Variants in STAB2 observed in about 807,000 individuals in gnomAD.
The protein encoded by STAB2 is stabilin-2.
In STAB2, 288 loss-of-function variants were observed where a neutral mutation model predicts 338.1. The observed-to-expected ratio is 0.85, with a 90% CI of 0.77 to 0.94. The LOEUF (loss-of-function observed/expected upper bound fraction) is 0.94, where lower values mean the gene tolerates loss of function less well. Ranked by LOEUF, STAB2 falls within the 40% of genes least tolerant of loss-of-function variation. STAB2 has a pLI of 0.00. For synonymous variants in STAB2, 1,202 were observed against 1,193.3 expected (o/e 1.01, Z -0.15); for missense variants, 3,141 against 3,210.1 (o/e 0.98, Z 0.52).
At chr12:103,641,108 C>A (rs1446108526) in intron 9 of STAB2, among the ~76,000 whole-genome samples, 1 of 152,228 alleles carries the variant, frequency 6.6e-6, no homozygotes, top group Non-Finnish European at 1.5e-5. Context: ...GAGCTCAAAA[C>A]CACAATCAAC....
At chr12:103,686,244 A>C (rs1488483559) in intron 27 of STAB2, among the ~76,000 whole-genome samples, 4 of 152,086 alleles carry the variant, frequency 2.6e-5, no homozygotes, top group African/African-American at 9.7e-5. Context: ...TCGCCCTAAG[A>C]ACCTTGCCCT....
At chr12:103,657,226 T>TAAAAA (rs140834161) in intron 15 of STAB2, among the ~76,000 whole-genome samples, 2 of 116,382 alleles carry the variant, frequency 1.7e-5, no homozygotes, top group South Asian at 3.0e-4. Flanking sequence ...TAAAGTGAGC[T>TAAAAA]AAAAAAAAAA....
chr12:103,758,098 G>T, intron 63 of STAB2, 72 bp from the exon 64 acceptor site: 1 of 1,600,592 alleles, frequency 6.2e-7, no homozygotes, highest in Non-Finnish European at 8.5e-7. Context: ...TGATGCCCTG[G>T]GACCTTCTTC....
chr12:103,648,261 G>T (rs765102476), intron 9 of STAB2, among the ~76,000 whole-genome samples: 1 of 152,156 alleles, frequency 6.6e-6, no homozygotes, highest in African/African-American at 2.4e-5. Flanking sequence ...GAGCAGGGGT[G>T]GGGGAAGCAT....
chr12:103,690,381 T>G, intron 29 of STAB2, 43 bp from the exon 30 acceptor site: 4 of 1,487,730 alleles, frequency 2.7e-6, no homozygotes, highest in Non-Finnish European at 3.7e-6. Context: ...TACAGCCCCA[T>G]ACATTTATAT....
At chr12:103,729,711 T>G (rs576332553) in intron 48 of STAB2, among the ~76,000 whole-genome samples, 17 of 152,178 alleles carry the variant, frequency 1.1e-4, no homozygotes, top group Non-Finnish European at 2.4e-4. Context: ...TTTGAAAGCT[T>G]TTGATCCAAG....
intron 3 of STAB2, among the ~76,000 whole-genome samples, chr12:103,598,763 T>C (rs1013434186): frequency 3.3e-5 from 5 of 152,166 alleles, no homozygotes; most frequent in Non-Finnish European, 7.4e-5. Context: ...TCTCCCAAGT[T>C]CCTTCCAGCG....
chr12:103,762,036 T>C (rs1884577026), intron 66 of STAB2, among the ~76,000 whole-genome samples: 1 of 152,200 alleles, frequency 6.6e-6, no homozygotes, highest in Non-Finnish European at 1.5e-5. Flanking sequence ...GCTTCACCTC[T>C]CTGTGCCCCA....
At chr12:103,683,332 A>C (rs750785803) in intron 26 of STAB2, 32 bp downstream of exon 26, 2 of 330,380 alleles carry the variant, frequency 6.1e-6, no homozygotes, top group African/African-American at 7.1e-5. Context: ...TTCATTACTT[A>C]AAAAAAAAAA....
chr12:103,597,457 GA>G (rs1367686513), intron 3 of STAB2, among the ~76,000 whole-genome samples: 1 of 152,076 alleles, frequency 6.6e-6, no homozygotes, highest in African/African-American at 2.4e-5. Context: ...CTCAAATTGG[GA>G]AATCACCCTA....
At chr12:103,619,759 C>G (rs772076151) in intron 3 of STAB2, among the ~76,000 whole-genome samples, 1 of 151,306 alleles carries the variant, frequency 6.6e-6, no homozygotes, top group African/African-American at 2.4e-5. Context: ...GCCCCCCGCC[C>G]CCGCCACCCC....
At chr12:103,617,878 A>G (rs746371203) in intron 3 of STAB2, among the ~76,000 whole-genome samples, 1 of 152,230 alleles carries the variant, frequency 6.6e-6, no homozygotes, top group Non-Finnish European at 1.5e-5. Context: ...TGCTGTGGAA[A>G]TACCACAGAT....
chr12:103,720,719 A>C (rs1250178047), intron 44 of STAB2, among the ~76,000 whole-genome samples: 1 of 152,200 alleles, frequency 6.6e-6, no homozygotes, highest in Non-Finnish European at 1.5e-5. Context: ...GTTTTAGTTC[A>C]TTTGTGCTGC....
chr12:103,630,287 A>G (rs1176726807), intron 5 of STAB2, among the ~76,000 whole-genome samples: 1 of 152,212 alleles, frequency 6.6e-6, no homozygotes, highest in Non-Finnish European at 1.5e-5. Context: ...CAGAGAAAAC[A>G]AAGGATTTGA....
rs1371805482 is a variant in STAB2 at position 103,587,499 on chromosome 12, T to C, written c.23T>C (p.Ile8Thr). 3 of 1,614,012 alleles carry C rather than the reference T, an allele frequency of 1.9e-6. No individual in the cohort carries two copies. The highest frequency in any genetic ancestry group is 2.5e-6 in the Non-Finnish European group (3 of 1,179,920). MMLQHLV[I>T]FCLGLVVQNF... ...CTCATGATGCTACAACATTTAGTAA[T>C]TTTTTGTCTTGGATTGGTTGTACAA... is the stretch of plus-strand genomic sequence containing the variant. The change falls in exon 1 of 69, where the codon ATT becomes ACT. Residue 8 changes from isoleucine (I) to threonine (T), a missense_variant. Coordinates refer to ENST00000388887, the MANE Select transcript of STAB2 (RefSeq NM_017564.10).
intron 20 of STAB2, 97 bp from the exon 21 acceptor site, chr12:103,669,444 A>G: frequency 1.9e-6 from 2 of 1,075,104 alleles, no homozygotes; most frequent in Non-Finnish European, 1.4e-6. Flanking sequence ...AGAGGCGAAT[A>G]TGGCTTAGTA....
At chr12:103,669,421 C>T in intron 20 of STAB2, 120 bp from the exon 21 acceptor site, 2 of 843,498 alleles carry the variant, frequency 2.4e-6, no homozygotes, top group Middle Eastern at 2.6e-4. Flanking sequence ...AAGAAAAGGG[C>T]AACCTCATAA....
At chr12:103,691,779 C>T (rs1305254953) in intron 30 of STAB2, among the ~76,000 whole-genome samples, 1 of 152,086 alleles carries the variant, frequency 6.6e-6, no homozygotes, top group Non-Finnish European at 1.5e-5. Context: ...TTCTTCAGGT[C>T]CTCTGCAGAT....
In STAB2 at chr12:103,689,866, A is replaced by G. The variant is rs1877769119; in HGVS notation, c.3066A>G (p.Thr1022=). The change falls in exon 29 of 69, where the codon ACA becomes ACG. Residue 1022 remains threonine (T), a synonymous_variant. Coordinates refer to ENST00000388887, the MANE Select transcript of STAB2 (RefSeq NM_017564.10). ...RWINNASLQP[T]LSATSNLTVL... ...TTCAGAATGCTTCTCTACAACCCAC[A>G]CTGTCAGCCACCTCAAACCTCACTG... 4 of 1,613,936 alleles carry G rather than the reference A, an allele frequency of 2.5e-6. No homozygotes were observed. Among genetic ancestry groups the G allele is most frequent in the Admixed American group, 1.7e-5 (1 of 59,978 alleles).
Sources: allele counts gnomAD v4.1 joint callset (sites outside exome capture counted in the v4.1 genomes callset), GRCh38; gene constraint gnomAD v4.1.1; transcripts MANE v1.5; gene names NCBI Gene and HGNC (gene_info 2026-07-23, HGNC 2026-07-21).